The following ZNF804A variants were observed in gnomAD, a reference collection of about 807,000 sequenced individuals.
The protein encoded by ZNF804A is zinc finger protein 804A.
A neutral mutation model predicts 16.5 loss-of-function variants in ZNF804A; 2 were observed. The ratio of observed to expected loss-of-function variants is 0.12; its 90% CI spans 0.05 to 0.38. The LOEUF (loss-of-function observed/expected upper bound fraction) is 0.38. Ranked by LOEUF, ZNF804A falls within the 10% of genes least tolerant of loss-of-function variation. The pLI is 0.99. For missense variants in ZNF804A, 1,473 were observed against 1,390.7 expected (o/e 1.06, Z -0.94); for synonymous variants, 534 against 489.6 (o/e 1.09, Z -1.20).
intron 1 of ZNF804A, among the ~76,000 whole-genome samples, chr2:184,757,856 T>G (rs1359622214): frequency 6.6e-6 from 1 of 152,014 alleles, no homozygotes; most frequent in African/African-American, 2.4e-5. Flanking sequence ...AGCTGATCCC[T>G]CTAGAGCTTG....
intron 1 of ZNF804A, among the ~76,000 whole-genome samples, chr2:184,693,820 A>T (rs930711148): frequency 1.3e-5 from 2 of 152,052 alleles, no homozygotes; most frequent in Non-Finnish European, 2.9e-5. Flanking sequence ...GCTTGGCGTC[A>T]GTGAACATCA....
chr2:184,901,546 T>C (rs1685182257), intron 2 of ZNF804A, among the ~76,000 whole-genome samples: 1 of 152,120 alleles, frequency 6.6e-6, no homozygotes. Context: ...GGGTCATAGG[T>C]AAATTATACT....
chr2:184,605,012 T>C (rs139347183), intron 1 of ZNF804A, among the ~76,000 whole-genome samples: 56 of 152,294 alleles, frequency 3.7e-4, no homozygotes, highest in African/African-American at 1.3e-3. Context: ...ATTTAGAATG[T>C]AATTTTATTC....
At chr2:184,829,347 A>T (rs1196089914) in intron 1 of ZNF804A, among the ~76,000 whole-genome samples, 1 of 152,014 alleles carries the variant, frequency 6.6e-6, no homozygotes, top group African/African-American at 2.4e-5. Context: ...AACAACTCAT[A>T]CTAATAGACA....
At chr2:184,634,310 A>G (rs1691659276) in intron 1 of ZNF804A, among the ~76,000 whole-genome samples, 1 of 152,236 alleles carries the variant, frequency 6.6e-6, no homozygotes, top group South Asian at 2.1e-4. Flanking sequence ...GAAAACAAAT[A>G]CTTAACCTGT....
At chr2:184,803,803 T>C (rs969815868) in intron 1 of ZNF804A, among the ~76,000 whole-genome samples, 3 of 151,954 alleles carry the variant, frequency 2.0e-5, no homozygotes, top group Non-Finnish European at 4.4e-5. Flanking sequence ...CTCCAATCTG[T>C]GTATCTGTCT....
intron 1 of ZNF804A, among the ~76,000 whole-genome samples, chr2:184,732,067 C>A (rs1693528932): frequency 6.6e-6 from 1 of 152,074 alleles, no homozygotes; most frequent in African/African-American, 2.4e-5. Flanking sequence ...AGAGGTCTAG[C>A]TTATCAGTTC....
intron 1 of ZNF804A, among the ~76,000 whole-genome samples, chr2:184,750,879 C>T (rs552685237): frequency 6.6e-6 from 1 of 151,420 alleles, no homozygotes; most frequent in Non-Finnish European, 1.5e-5. Context: ...ACACTTCAGG[C>T]TTCTATGAGT....
At chr2:184,617,461 A>G (rs1022244582) in intron 1 of ZNF804A, among the ~76,000 whole-genome samples, 1 of 151,988 alleles carries the variant, frequency 6.6e-6, no homozygotes, top group Non-Finnish European at 1.5e-5. Context: ...ATAAAAGTAA[A>G]CAGCTTTATG....
At chr2:184,814,420 C>A (rs1694947723) in intron 1 of ZNF804A, among the ~76,000 whole-genome samples, 1 of 152,030 alleles carries the variant, frequency 6.6e-6, no homozygotes, top group Non-Finnish European at 1.5e-5. Flanking sequence ...AATTAAGGAG[C>A]TGGACACTGT....
chr2:184,768,538 A>C (rs544308898), intron 1 of ZNF804A, among the ~76,000 whole-genome samples: 26 of 152,222 alleles, frequency 1.7e-4, no homozygotes, highest in African/African-American at 6.0e-4. Context: ...TTGTAAAAGC[A>C]CAGATTACTG....
chr2:184,889,297 A>T (rs1331767901), intron 2 of ZNF804A, among the ~76,000 whole-genome samples: 1 of 151,996 alleles, frequency 6.6e-6, no homozygotes, highest in Non-Finnish European at 1.5e-5. Context: ...TAGAGAAATT[A>T]TGTTAATTTT....
chr2:184,905,980 A>G (rs997969450), intron 2 of ZNF804A, among the ~76,000 whole-genome samples: 1 of 152,182 alleles, frequency 6.6e-6, no homozygotes, highest in Non-Finnish European at 1.5e-5. Context: ...TTGACCTTCA[A>G]TGATCCATAG....
chr2:184,931,285 A>T lies in ZNF804A; in HGVS notation c.256-2318A>T, dbSNP rs186236349. Among the ~76,000 whole-genome samples, 234 of 152,240 alleles carry T rather than the reference A, an allele frequency of 1.5e-3. 1 individual carries two copies. The highest frequency in any genetic ancestry group is 2.5e-3 in the Non-Finnish European group (170 of 68,006). On this transcript the variant is annotated intron_variant, in intron 2 of 3. Transcript: ENST00000302277. Reference sequence around the variant, plus strand: ...ACTCTATGTGGGGGATCCCACTCACATTTCCCTTCTGCACGGCCCTAGCAG... The same window carrying T: ...ACTCTATGTGGGGGATCCCACTCACTTTTCCCTTCTGCACGGCCCTAGCAG...
At chr2:184,910,930 G>T (rs1685345613) in intron 2 of ZNF804A, among the ~76,000 whole-genome samples, 1 of 151,852 alleles carries the variant, frequency 6.6e-6, no homozygotes, top group Non-Finnish European at 1.5e-5. Context: ...CAGGTTCTCT[G>T]CTTACTTTTG....
At chr2:184,927,838 G>A (rs908322184) in intron 2 of ZNF804A, among the ~76,000 whole-genome samples, 1 of 152,140 alleles carries the variant, frequency 6.6e-6, no homozygotes, top group African/African-American at 2.4e-5. Flanking sequence ...TCAGTTTGTG[G>A]TGAATACTGC....
At chr2:184,772,818 T>C (rs528811675) in intron 1 of ZNF804A, among the ~76,000 whole-genome samples, 1 of 151,596 alleles carries the variant, frequency 6.6e-6, no homozygotes, top group South Asian at 2.1e-4. Context: ...ATCTGTCTTT[T>C]TTGTAATAGA....
chr2:184,657,761 G>C (rs1180800455), intron 1 of ZNF804A, among the ~76,000 whole-genome samples: 1 of 152,136 alleles, frequency 6.6e-6, no homozygotes, highest in Non-Finnish European at 1.5e-5. Context: ...CTTATCTAAT[G>C]GGAGGGATGG....
intron 1 of ZNF804A, among the ~76,000 whole-genome samples, chr2:184,841,526 G>A (rs1695436155): frequency 6.6e-6 from 1 of 151,958 alleles, no homozygotes; most frequent in South Asian, 2.1e-4. Flanking sequence ...TAGTAAAACA[G>A]CATTACTAAT....
Sources: gnomAD v4.1 joint callset for allele counts (sites outside exome capture counted in the v4.1 genomes callset) on GRCh38, gnomAD v4.1.1 for gene constraint, MANE v1.5 for transcripts, NCBI Gene and HGNC (gene_info 2026-07-23, HGNC 2026-07-21) for gene names.